Variants in DOK6 observed in about 807,000 individuals in gnomAD.
The protein encoded by DOK6 is downstream of tyrosine kinase 6.
DOK6 carries 22 observed loss-of-function variants against 44.0 expected under a neutral mutation model. The observed-to-expected ratio is 0.50, with a 90% confidence interval of 0.36 to 0.71. The LOEUF (loss-of-function observed/expected upper bound fraction) is 0.71. DOK6 is among the 30% of genes least tolerant of loss of function. DOK6 has a pLI of 0.00. For synonymous variants in DOK6, 166 were observed against 145.5 expected (o/e 1.14, Z -1.01); for missense variants, 340 against 416.4 (o/e 0.82, Z 1.60).
chr18:69,465,858 T>G (rs1979912223), intron 1 of DOK6, among the ~76,000 whole-genome samples: 3 of 152,226 alleles, frequency 2.0e-5, no homozygotes, highest in South Asian at 4.1e-4. Context: ...TATTTTCTAA[T>G]AAAGTTATTC....
At chr18:69,418,947 T>C (rs1211084940) in intron 1 of DOK6, among the ~76,000 whole-genome samples, 2 of 152,168 alleles carry the variant, frequency 1.3e-5, no homozygotes, top group Non-Finnish European at 2.9e-5. Context: ...ATTTTATGGT[T>C]CTCTCTTTTG....
intron 1 of DOK6, 65 bp downstream of exon 1, chr18:69,401,375 G>T (rs958393495): frequency 2.0e-5 from 28 of 1,422,354 alleles, no homozygotes; most frequent in African/African-American, 8.9e-5. Flanking sequence ...TGCCTGGGGG[G>T]GGGGCAGGGA....
chr18:69,747,599 T>TCCCCCCCCCCCCCC (rs934624120), intron 6 of DOK6, among the ~76,000 whole-genome samples: 1 of 148,052 alleles, frequency 6.8e-6, no homozygotes, highest in African/African-American at 2.6e-5. Flanking sequence ...CTCCGCCCCC[T>TCCCCCCCCCCCCCC]CCCCCCCACA....
chr18:69,435,037 A>AGGACGGAC (rs796877837), intron 1 of DOK6, among the ~76,000 whole-genome samples: 7,111 of 78,244 alleles, frequency 0.091, 478 homozygotes, highest in East Asian at 0.17. Context: ...GAAGGAAGGA[A>AGGACGGAC]GGAAGGAAGG....
At chr18:69,501,075 T>C (rs543631970) in intron 1 of DOK6, among the ~76,000 whole-genome samples, 1 of 152,210 alleles carries the variant, frequency 6.6e-6, no homozygotes, top group East Asian at 1.9e-4. Flanking sequence ...ACACAAAAGA[T>C]GGAAAAATAA....
At chr18:69,408,994 A>G (rs1281102827) in intron 1 of DOK6, among the ~76,000 whole-genome samples, 1 of 152,142 alleles carries the variant, frequency 6.6e-6, no homozygotes, top group African/African-American at 2.4e-5. Context: ...CCCCACCGAA[A>G]TCTCATTTGA....
At chr18:69,580,803 A>G (rs1313993372) in intron 2 of DOK6, among the ~76,000 whole-genome samples, 1 of 152,134 alleles carries the variant, frequency 6.6e-6, no homozygotes, top group East Asian at 1.9e-4. Context: ...ATCTTATACC[A>G]TTTAAAAAAC....
intron 6 of DOK6, among the ~76,000 whole-genome samples, chr18:69,744,453 T>TG (rs1387666026): frequency 6.6e-6 from 1 of 151,932 alleles, no homozygotes; most frequent in East Asian, 1.9e-4. Flanking sequence ...TTTGTGATTT[T>TG]TTTTCTTTTT....
At chr18:69,490,411 CT>C (rs1980702918) in intron 1 of DOK6, among the ~76,000 whole-genome samples, 1 of 152,036 alleles carries the variant, frequency 6.6e-6, no homozygotes, top group Admixed American at 6.5e-5. Context: ...AAAGAAAAAA[CT>C]TTAACACTGG....
chr18:69,691,737 C>G (rs758259374), intron 4 of DOK6, among the ~76,000 whole-genome samples: 42 of 152,248 alleles, frequency 2.8e-4, no homozygotes, highest in Non-Finnish European at 4.4e-4. Context: ...CTTGATTCAT[C>G]TTGAAAACAC....
chr18:69,795,478 C>T (rs1980717720), intron 7 of DOK6, among the ~76,000 whole-genome samples: 1 of 152,112 alleles, frequency 6.6e-6, no homozygotes, highest in South Asian at 2.1e-4. Context: ...GTAGGAACAT[C>T]TTACAAAACT....
At chr18:69,401,727 C>T (rs1379365945) in intron 1 of DOK6, among the ~76,000 whole-genome samples, 7 of 152,166 alleles carry the variant, frequency 4.6e-5, no homozygotes, top group Non-Finnish European at 1.0e-4. Context: ...TCACCATTTT[C>T]TGGTCTCCGC....
chr18:69,455,103 T>C (rs1259609810), intron 1 of DOK6, among the ~76,000 whole-genome samples: 3 of 146,478 alleles, frequency 2.0e-5, no homozygotes, highest in Non-Finnish European at 4.5e-5. Context: ...CTGTGGAACA[T>C]TTTCAACTTT....
chr18:69,700,510 T>A (rs1351246876), intron 5 of DOK6, among the ~76,000 whole-genome samples: 1 of 152,174 alleles, frequency 6.6e-6, no homozygotes, highest in Non-Finnish European at 1.5e-5. Flanking sequence ...TTTTTTAAGA[T>A]CTTTCTATTT....
intron 3 of DOK6, among the ~76,000 whole-genome samples, chr18:69,609,681 C>G (rs1241420143): frequency 1.3e-5 from 2 of 151,884 alleles, no homozygotes; most frequent in South Asian, 4.1e-4. Context: ...GAGTATTTAT[C>G]CAAAAGAATT....
At chr18:69,795,885 G>A (rs1339871848) in intron 7 of DOK6, among the ~76,000 whole-genome samples, 2 of 152,168 alleles carry the variant, frequency 1.3e-5, no homozygotes, top group Non-Finnish European at 2.9e-5. Context: ...TTTTTCCTCT[G>A]AGTAATCAAA....
intron 7 of DOK6, among the ~76,000 whole-genome samples, chr18:69,804,230 G>A (rs12104016): frequency 0.072 from 10,996 of 152,120 alleles, 512 homozygotes; most frequent in African/African-American, 0.11. Context: ...TTGAAAAGTT[G>A]TTTTCACTGA....
chr18:69,557,143 G>A (rs1175528008), intron 1 of DOK6, among the ~76,000 whole-genome samples: 7 of 152,142 alleles, frequency 4.6e-5, no homozygotes, highest in African/African-American at 7.2e-5. Flanking sequence ...CTCCAGCTAC[G>A]ACACTTCGTT....
intron 1 of DOK6, among the ~76,000 whole-genome samples, chr18:69,517,867 C>T (rs1981575453): frequency 6.6e-6 from 1 of 151,984 alleles, no homozygotes; most frequent in Non-Finnish European, 1.5e-5. Flanking sequence ...CCAATTTAAT[C>T]TTTGCAGGTG....
Sources: allele counts gnomAD v4.1 joint callset (sites outside exome capture counted in the v4.1 genomes callset), GRCh38; gene constraint gnomAD v4.1.1; transcripts MANE v1.5; gene names NCBI Gene and HGNC (gene_info 2026-07-23, HGNC 2026-07-21).